The following ZWILCH variants were observed in gnomAD, a reference collection of about 807,000 sequenced individuals.
ZWILCH encodes protein zwilch homolog.
ZWILCH carries 74 observed loss-of-function variants against 79.9 expected under a neutral mutation model. The ratio of observed to expected loss-of-function variants is 0.93; its 90% CI spans 0.77 to 1.12. ZWILCH has a LOEUF of 1.12. Ranked by LOEUF, ZWILCH falls within the 50% of genes most tolerant of loss-of-function variation. The probability of loss-of-function intolerance (pLI) is 0.00; values close to 1 mark genes in which losing one functional copy is unlikely to be tolerated. For synonymous variants in ZWILCH, 241 were observed against 228.2 expected (o/e 1.06, Z -0.51); for missense variants, 694 against 687.5 (o/e 1.01, Z -0.11).
chr15:66,536,033 T>A lies in ZWILCH; in HGVS notation c.1442T>A (p.Ile481Asn). Residue 481 changes from isoleucine (I) to asparagine (N), a missense_variant, in exon 15 of 19, where the codon ATT becomes AAT. Transcript: ENST00000307897. The part of the protein sequence containing the change: ...LEILVSCMPF[I>N]KSQHELLFSL... The stretch of plus-strand genomic sequence containing the variant: ...ATATTAGTCAGTTGCATGCCTTTCA[T>A]TAAATCTCAACATGAACTCCTCTTT... 6.2e-7 allele frequency: 1 copy of A among 1,612,192 alleles called. No individual in the cohort carries two copies.
At chr15:66,509,827 A>G (rs1353433930) in intron 2 of ZWILCH, among the ~76,000 whole-genome samples, 3 of 2,202 alleles carry the variant, frequency 1.4e-3, no homozygotes, top group Non-Finnish European at 2.4e-3. Flanking sequence ...GGCTACATAT[A>G]TATATATATA....
chr15:66,517,430 G>GTGTTTATA, intron 4 of ZWILCH, among the ~76,000 whole-genome samples: 1 of 66,526 alleles, frequency 1.5e-5, no homozygotes, highest in Non-Finnish European at 2.9e-5. Context: ...GTGTGTGTGT[G>GTGTTTATA]TATATATATA....
At chr15:66,520,008 C>T (rs753646395) in intron 5 of ZWILCH, among the ~76,000 whole-genome samples, 17 of 152,150 alleles carry the variant, frequency 1.1e-4, no homozygotes, top group Non-Finnish European at 2.1e-4. Flanking sequence ...CAGGGTCCCA[C>T]TGTATTGCCC....
chr15:66,545,676 A>T (rs1895348321), intron 17 of ZWILCH, among the ~76,000 whole-genome samples: 1 of 152,196 alleles, frequency 6.6e-6, no homozygotes, highest in African/African-American at 2.4e-5. Flanking sequence ...TAGCCATCAT[A>T]TATTCTTGAT....
At chr15:66,531,079 C>T (rs908365914) in intron 12 of ZWILCH, among the ~76,000 whole-genome samples, 1 of 152,200 alleles carries the variant, frequency 6.6e-6, no homozygotes, top group African/African-American at 2.4e-5. Context: ...GGGGAAATGA[C>T]ATTTTATGAG....
chr15:66,519,439 AT>A (rs1435079088), intron 5 of ZWILCH, among the ~76,000 whole-genome samples: 1 of 152,034 alleles, frequency 6.6e-6, no homozygotes, highest in Non-Finnish European at 1.5e-5. Context: ...ATTCCACTTT[AT>A]TTTTTATTTG....
chr15:66,519,257 C>T, intron 5 of ZWILCH, 179 bp downstream of exon 5: 1 of 607,392 alleles, frequency 1.6e-6, no homozygotes, highest in Non-Finnish European at 2.9e-6. Flanking sequence ...ATTCCAGAAA[C>T]ACCAGAAACA....
chr15:66,534,472 A>G (rs1172902086), intron 14 of ZWILCH, among the ~76,000 whole-genome samples: 1 of 152,164 alleles, frequency 6.6e-6, no homozygotes, highest in Non-Finnish European at 1.5e-5. Context: ...GAAATGTGTC[A>G]TTATTTTTTT....
Position 66,549,473 on chromosome 15 carries a change from T to G in ZWILCH, c.*1149T>G. On this transcript the variant is annotated 3_prime_UTR_variant, in exon 19 of 19. Coordinates refer to ENST00000307897, the MANE Select transcript of ZWILCH (RefSeq NM_017975.5). ...CCTTATGGAGAAATAAAGATAAAATTCAAAGAAACAAATAATATGTGTTGG... is the reference window on the plus strand; with the variant it reads ...CCTTATGGAGAAATAAAGATAAAATGCAAAGAAACAAATAATATGTGTTGG... 6.6e-6 allele frequency: 1 copy of G among 152,164 alleles called. No homozygotes were observed. The highest frequency in any genetic ancestry group is 1.5e-5 in the Non-Finnish European group (1 of 68,020). 9.4% of individuals were successfully genotyped at this position (152,164 alleles called of 1,614,324 possible). A position where few individuals can be genotyped will look rare whatever the true frequency, so the allele number is the denominator to read the frequency against.
intron 12 of ZWILCH, among the ~76,000 whole-genome samples, chr15:66,530,813 A>AC (rs59555379): frequency 0.015 from 2,273 of 152,328 alleles, 59 homozygotes; most frequent in African/African-American, 0.052. Context: ...ATAAACTTTT[A>AC]TGGGTGTGAA....
intron 8 of ZWILCH, 62 bp downstream of exon 8, chr15:66,523,810 G>A (rs1894586303): frequency 7.5e-7 from 1 of 1,336,170 alleles, no homozygotes; most frequent in Non-Finnish European, 1.1e-6. Context: ...GTGTGCTATT[G>A]TTGTTTTTAC....
chr15:66,535,093 A>T (rs1022291896), intron 14 of ZWILCH, among the ~76,000 whole-genome samples: 1 of 151,850 alleles, frequency 6.6e-6, no homozygotes, highest in African/African-American at 2.4e-5. Flanking sequence ...AGACGTAGAC[A>T]CACACATTCG....
intron 11 of ZWILCH, 102 bp downstream of exon 11, chr15:66,529,059 T>C: frequency 2.3e-6 from 2 of 885,526 alleles, no homozygotes; most frequent in South Asian, 3.2e-5. Flanking sequence ...TGTGGGGAAG[T>C]CTGGTTCTTA....
At chr15:66,535,520 A>G (rs1436167242) in intron 14 of ZWILCH, among the ~76,000 whole-genome samples, 2 of 152,088 alleles carry the variant, frequency 1.3e-5, no homozygotes, top group Admixed American at 6.6e-5. Context: ...TAATAAAAAT[A>G]TGAAAATTAG....
intron 1 of ZWILCH, chr15:66,505,762 G>A (rs574576730): frequency 9.2e-5 from 27 of 293,344 alleles, no homozygotes; most frequent in African/African-American, 5.4e-4. Context: ...AGAATGAAAT[G>A]TGGTGTTAGT....
At chr15:66,535,845 A>G in intron 14 of ZWILCH, 88 bp from the exon 15 acceptor site, 1 of 1,140,782 alleles carries the variant, frequency 8.8e-7, no homozygotes, top group Non-Finnish European at 1.2e-6. Flanking sequence ...AAGCATCCAA[A>G]TGTAGGTGTA....
At position 66,507,080 on chromosome 15, in the gene ZWILCH, C is replaced by G. The variant is rs184851113; in HGVS notation, c.53+1689C>G. Among the ~76,000 whole-genome samples, 1,445 of 152,192 alleles carry G rather than the reference C, an allele frequency of 9.5e-3. 13 individuals are homozygous for G. The highest frequency in any genetic ancestry group is 0.017 in the Middle Eastern group (5 of 294). On this transcript the variant is annotated intron_variant, in intron 1 of 18. Coordinates refer to ENST00000307897, the MANE Select transcript of ZWILCH (RefSeq NM_017975.5). ...GTTTCACCATGTTGGCCAGGATGGT[C>G]TCAATCTCTTGACCTCGTGATCCAC...
intron 5 of ZWILCH, among the ~76,000 whole-genome samples, chr15:66,519,786 C>T (rs551965779): frequency 6.6e-6 from 1 of 152,178 alleles, no homozygotes; most frequent in African/African-American, 2.4e-5. Context: ...GCCCAACTTC[C>T]ACTTTATTTT....
chr15:66,525,323 C>A (rs1480370417), intron 8 of ZWILCH, among the ~76,000 whole-genome samples: 1 of 152,178 alleles, frequency 6.6e-6, no homozygotes, highest in Non-Finnish European at 1.5e-5. Flanking sequence ...GGCACAAGTT[C>A]ATTTAAATGT....
Sources: gnomAD v4.1 joint callset for allele counts (sites outside exome capture counted in the v4.1 genomes callset) on GRCh38, gnomAD v4.1.1 for gene constraint, MANE v1.5 for transcripts, NCBI Gene and HGNC (gene_info 2026-07-23, HGNC 2026-07-21) for gene names.